AFM: variants seen among roughly 807,000 people sequenced by gnomAD.
The protein encoded by AFM is alpha-Alb.
Under a neutral mutation model 68.7 loss-of-function variants are expected in AFM, and 82 were observed. The observed-to-expected ratio is 1.19, with a 90% CI of 1.00 to 1.43. The LOEUF is 1.43. Among genes scored for constraint, AFM ranks in the 40% most tolerant of loss-of-function variants. The pLI is 0.00. For missense variants in AFM, 772 were observed against 701.8 expected (o/e 1.10, Z -1.13); for synonymous variants, 250 against 234.2 (o/e 1.07, Z -0.61).
chr4:73,503,182 C>T, intron 14 of AFM, 72 bp downstream of exon 14: 1 of 1,185,356 alleles, frequency 8.4e-7, no homozygotes, highest in Non-Finnish European at 1.2e-6. Context: ...TTTTCTCCCT[C>T]ATGCTTCTTT....
chr4:73,492,526 C>A (rs1300707291), intron 8 of AFM, among the ~76,000 whole-genome samples: 5 of 152,064 alleles, frequency 3.3e-5, no homozygotes, highest in African/African-American at 1.2e-4. Context: ...CTATGCTATG[C>A]CATCTACAAC....
Position 73,495,379 on chromosome 4 carries a change from C to G in AFM, c.1138C>G (p.Leu380Val). 1.2e-6 allele frequency: 2 copies of G among 1,613,418 alleles called. No homozygotes were observed. Among genetic ancestry groups the G allele is most frequent in the Non-Finnish European group, 1.7e-6 (2 of 1,179,736 alleles). ...AAGAATTGTTCAAATATACAAAGAT[C>G]TCCTGAGAAATTGCTGCAACACAGA... ...LLRIVQIYKD[L>V]LRNCCNTENP... is the part of the protein sequence containing the mutation. Residue 380 changes from leucine to valine, a missense_variant, in exon 9 of 15, where the codon CTC becomes GTC. Coordinates refer to ENST00000226355, the MANE Select transcript of AFM (RefSeq NM_001133.2).
chr4:73,483,292 C>T (rs1371362156), intron 1 of AFM, among the ~76,000 whole-genome samples: 9 of 152,062 alleles, frequency 5.9e-5, no homozygotes, highest in Non-Finnish European at 1.2e-4. Context: ...GTCACATGCA[C>T]GAGTAACTTC....
At position 73,492,753 on chromosome 4, in the gene AFM, G is replaced by A. The variant is rs188876456; in HGVS notation, c.1058+667G>A. ...AGAGGTTGCCGTGAGCCGAGATCAC[G>A]CACTGCACTCCAGCCTGGGCGACAG... is the stretch of plus-strand genomic sequence containing the variant. On this transcript the variant is annotated intron_variant, in intron 8 of 14. Coordinates refer to ENST00000226355, the MANE Select transcript of AFM (RefSeq NM_001133.2). 9.2e-3 allele frequency among the ~76,000 whole-genome samples: 1,324 copies of A among 143,332 alleles called. 14 individuals carry two copies. The highest frequency in any genetic ancestry group is 0.019 in the Middle Eastern group (5 of 266). The allele number at this position is 143,332 out of a possible 152,430, so 94.0% of individuals were successfully genotyped here.
At chr4:73,487,127 G>T (rs766416701) in intron 5 of AFM, 28 bp downstream of exon 5, 1 of 1,612,280 alleles carries the variant, frequency 6.2e-7, no homozygotes, top group East Asian at 2.2e-5. Flanking sequence ...TCCATGAAGA[G>T]GATAAGAAAT....
chr4:73,503,131 C>G, intron 14 of AFM, 21 bp downstream of exon 14: 2 of 1,531,414 alleles, frequency 1.3e-6, no homozygotes, highest in South Asian at 2.3e-5. Context: ...CTGCCTCATT[C>G]AAATGTCAAA....
In AFM at chr4:73,484,307, A is replaced by AT; in HGVS notation, c.188dup (p.Met63IlefsTer18). 6.2e-7 allele frequency: 1 copy of AT among 1,613,684 alleles called. No homozygotes were observed. Among genetic ancestry groups the AT allele is most frequent in the Non-Finnish European group, 8.5e-7 (1 of 1,179,836 alleles). On this transcript the variant is annotated frameshift_variant, in exon 3 of 15. Transcript: ENST00000226355. LOFTEE classifies it high-confidence loss of function. ...TGTTCAGGAAGCAACCTTTGAAGAA[A>AT]TGGAAAAGCTGGTGAAAGACATGGT...
In AFM at chr4:73,484,326, A is replaced by T. The variant is rs1455984351; in HGVS notation, c.206A>T (p.Asp69Val). The part of the protein sequence containing the change: ...TFEEMEKLVK[D>V]MVEYKDRCMA... ...GAAGAAATGGAAAAGCTGGTGAAAG[A>T]CATGGTAGAATACAAAGACAGATGT... Residue 69 changes from aspartate (D) to valine (V), a missense_variant, in exon 3 of 15, where the codon GAC becomes GTC. By Grantham distance (152) the Asp-to-Val change is radical. Transcript: ENST00000226355. The T allele has an allele frequency of 6.2e-7, 1 of 1,613,548 alleles. No homozygotes were observed. The highest frequency in any genetic ancestry group is 1.7e-5 in the Admixed American group (1 of 59,886).
In AFM at chr4:73,481,814, G is replaced by GTT; in HGVS notation, c.46_47dup (p.Leu16PhefsTer2). The GTT allele has an allele frequency of 6.2e-7, 1 of 1,603,326 alleles. No individual in the cohort carries two copies. Among genetic ancestry groups the GTT allele is most frequent in the Non-Finnish European group, 8.5e-7 (1 of 1,174,538 alleles). On this transcript the variant is annotated frameshift_variant, in exon 1 of 15. Transcript: ENST00000226355. LOFTEE classifies it high-confidence loss of function. ...AACTTACAGGTTTTATTTTTTTCTT[G>GTT]TTTTTTTTGACTGAATCCCTAACCC...
intron 14 of AFM, among the ~76,000 whole-genome samples, chr4:73,503,634 C>T (rs1721475735): frequency 1.3e-5 from 2 of 152,128 alleles, no homozygotes; most frequent in African/African-American, 2.4e-5. Flanking sequence ...AAGATGCCCT[C>T]CCCTTTGTGG....
Position 73,481,924 on chromosome 4 carries a change from A to T in AFM, c.88+61A>T, listed in dbSNP as rs553949260. ...CCAGTTAGGATAATTTCTATTTTTAAAATTTTGTTTTCTTTCAAGTTAATT... is the reference window on the plus strand; with the variant it reads ...CCAGTTAGGATAATTTCTATTTTTATAATTTTGTTTTCTTTCAAGTTAATT... On this transcript the variant is annotated intron_variant, in intron 1 of 14. Coordinates refer to ENST00000226355, the MANE Select transcript of AFM (RefSeq NM_001133.2). 7 of 1,262,618 alleles carry T rather than the reference A, an allele frequency of 5.5e-6. No homozygotes were observed. The Admixed American group carries it at 1.2e-4, about 21-fold the overall frequency. 78.2% of individuals were successfully genotyped at this position (1,262,618 alleles called of 1,614,324 possible).
At chr4:73,493,944 G>A (rs1275163032) in intron 8 of AFM, among the ~76,000 whole-genome samples, 3 of 152,212 alleles carry the variant, frequency 2.0e-5, no homozygotes, top group Non-Finnish European at 4.4e-5. Flanking sequence ...AGTGCTCAGT[G>A]TTTTAAGGTA....
At chr4:73,482,343 T>C (rs992214228) in intron 1 of AFM, among the ~76,000 whole-genome samples, 1 of 152,224 alleles carries the variant, frequency 6.6e-6, no homozygotes, top group African/African-American at 2.4e-5. Context: ...TCTCAGTCTG[T>C]AGGAAGGGAT....
intron 9 of AFM, among the ~76,000 whole-genome samples, chr4:73,497,150 A>T (rs1385619278): frequency 6.6e-6 from 1 of 152,216 alleles, no homozygotes; most frequent in East Asian, 1.9e-4. Flanking sequence ...AGTCCATCAA[A>T]TATTTGAAGA....
In AFM at chr4:73,486,175, GATTA is replaced by G. The variant is rs1577973296; in HGVS notation, c.482+106_482+109del. The G allele has an allele frequency of 5.2e-6, 5 of 965,900 alleles. No homozygotes were observed. The South Asian group carries it at 6.7e-5, about 13-fold the overall frequency. The allele number at this position is 965,900 out of a possible 1,614,324, so 59.8% of individuals were successfully genotyped here. ...ATATGGCTGGGTTCATTAATTTATT[GATTA>G]ATTGTTTCATTCATTCAAAACATAC... On this transcript the variant is annotated intron_variant, in intron 4 of 14. Transcript: ENST00000226355.
chr4:73,495,677 A>C (rs538806668), intron 9 of AFM, among the ~76,000 whole-genome samples: 29 of 152,332 alleles, frequency 1.9e-4, no homozygotes, highest in African/African-American at 6.3e-4. Context: ...AAACATTTTA[A>C]ATTTACATTT....
At chr4:73,501,694 A>G (rs1721427553) in intron 12 of AFM, 93 bp from the exon 13 acceptor site, 1 of 1,386,660 alleles carries the variant, frequency 7.2e-7, no homozygotes, top group Non-Finnish European at 9.7e-7. Context: ...CCAAGCTGAG[A>G]CTCAAGACGT....
chr4:73,497,358 A>G (rs1252919928), intron 9 of AFM, among the ~76,000 whole-genome samples: 4 of 152,216 alleles, frequency 2.6e-5, no homozygotes, highest in African/African-American at 9.6e-5. Context: ...ACTGAATGTT[A>G]TTATTTTCAA....
chr4:73,483,262 C>T (rs2149342086), intron 1 of AFM, among the ~76,000 whole-genome samples: 1 of 152,156 alleles, frequency 6.6e-6, no homozygotes, highest in South Asian at 2.1e-4. Context: ...CAACTTAATC[C>T]CATTCTAAAT....
Sources: allele counts gnomAD v4.1 joint callset (sites outside exome capture counted in the v4.1 genomes callset), GRCh38; gene constraint gnomAD v4.1.1; transcripts MANE v1.5; gene names NCBI Gene and HGNC (gene_info 2026-07-23, HGNC 2026-07-21).